The following ZFYVE16 variants were observed in gnomAD, a reference collection of about 807,000 sequenced individuals.
The protein encoded by ZFYVE16 is zinc finger FYVE-type containing 16.
In ZFYVE16, 89 loss-of-function variants were observed where a neutral mutation model predicts 138.1. That is an observed-to-expected ratio of 0.64 (90% CI 0.54 to 0.77). The LOEUF is 0.77. ZFYVE16 is among the 30% of genes least tolerant of loss of function. The pLI is 0.00. For synonymous variants in ZFYVE16, 596 were observed against 618.3 expected, an observed-to-expected ratio of 0.96 and a Z score of 0.53; for missense variants, 1,793 against 1,786.7, an observed-to-expected ratio of 1.00 and a Z score of -0.06.
intron 15 of ZFYVE16, among the ~76,000 whole-genome samples, chr5:80,461,448 C>T (rs1388347759): frequency 6.6e-6 from 1 of 152,194 alleles, no homozygotes; most frequent in Non-Finnish European, 1.5e-5. Flanking sequence ...TGAATATTTT[C>T]AGTTCTTTTT....
In ZFYVE16 at chr5:80,437,363, T is replaced by G; in HGVS notation, c.678T>G (p.Asn226Lys). ...SDSYNYSGTE[N>K]LKDKKIFNQL... ...CCTATAATTACAGTGGAACAGAAAA[T>G]TTAAAAGATAAAAAGATCTTTAATC... Residue 226 changes from asparagine (N) to lysine (K), a missense_variant, in exon 4 of 19, where the codon AAT becomes AAG. Physicochemically the swap from Asn to Lys is moderately conservative, Grantham distance 94. Transcript: ENST00000505560. 6.2e-7 allele frequency: 1 copy of G among 1,603,598 alleles called. No homozygotes were observed. The highest frequency in any genetic ancestry group is 1.8e-5 in the Admixed American group (1 of 56,920).
intron 2 of ZFYVE16, among the ~76,000 whole-genome samples, chr5:80,433,019 G>A (rs7710130): frequency 0.79 from 120,764 of 152,096 alleles, 50,368 homozygotes; most frequent in East Asian, 0.92. Context: ...CATTGTGGAC[G>A]TCAGTGTGGC....
At chr5:80,434,595 G>A (rs1234634048) in intron 3 of ZFYVE16, among the ~76,000 whole-genome samples, 1 of 151,972 alleles carries the variant, frequency 6.6e-6, no homozygotes, top group Non-Finnish European at 1.5e-5. Context: ...TCCCACTTCA[G>A]CCTCCAAGTG....
At chr5:80,464,079 A>G (rs1198717195) in intron 15 of ZFYVE16, among the ~76,000 whole-genome samples, 1 of 152,016 alleles carries the variant, frequency 6.6e-6, no homozygotes, top group Non-Finnish European at 1.5e-5. Context: ...GAGCCCTCCA[A>G]ACTGTTCCAC....
rs187348372 is a variant in ZFYVE16 at position 80,437,408 on chromosome 5, T to C, written c.723T>C (p.Asp241=). 68 of 1,605,200 alleles carry C rather than the reference T, an allele frequency of 4.2e-5. No individual in the cohort carries two copies. Among genetic ancestry groups the C allele is most frequent in the Admixed American group, 2.6e-4 (15 of 57,362 alleles). ...KIFNQLESIV[D]FNMSSALTRQ... is the part of the protein sequence containing the mutation. Reference sequence around the variant, plus strand: ...TTAATCAGTTAGAATCAATTGTTGATTTTAACATGTCATCTGCTTTGACTC... The same window carrying C: ...TTAATCAGTTAGAATCAATTGTTGACTTTAACATGTCATCTGCTTTGACTC... The change falls in exon 4 of 19, where the codon GAT becomes GAC. Residue 241 remains aspartate, a synonymous_variant. Transcript: ENST00000505560.
At chr5:80,456,201 T>C (rs1448315781) in intron 12 of ZFYVE16, 1 of 330,632 alleles carries the variant, frequency 3.0e-6, no homozygotes, top group Non-Finnish European at 5.5e-6. Context: ...CTTCCACCTA[T>C]ACTTTTTGTA....
chr5:80,455,730 C>T lies in ZFYVE16; in HGVS notation c.3646C>T (p.Pro1216Ser), dbSNP rs1183355540. ...APLTSIRGRK[P>S]LFGEIGHTIM... ...TCTAACAAGCATCAGAGGCCGAAAA[C>T]CTCTTTTTGGAGAAATAGGACACAC... is the stretch of plus-strand genomic sequence containing the variant. The change falls in exon 12 of 19, where the codon CCT becomes TCT. Residue 1216 changes from proline (P) to serine (S), a missense_variant. By Grantham distance (74) the Pro-to-Ser change is moderately conservative. This residue lies in a region of ZFYVE16 where 498 missense variants were observed against 582.4 expected (regional missense o/e 0.86). Transcript: ENST00000505560. 1.3e-6 allele frequency: 2 copies of T among 1,594,052 alleles called. No homozygotes were observed. The highest frequency in any genetic ancestry group is 1.7e-6 in the Non-Finnish European group (2 of 1,174,730).
chr5:80,441,834 C>T, intron 5 of ZFYVE16: 1 of 985,336 alleles, frequency 1.0e-6, no homozygotes, highest in Non-Finnish European at 1.2e-6. Context: ...GCAGTGGCAG[C>T]ATTGATAGCA....
chr5:80,426,091 A>C (rs1374859054), intron 1 of ZFYVE16, among the ~76,000 whole-genome samples: 1 of 152,066 alleles, frequency 6.6e-6, no homozygotes, highest in Non-Finnish European at 1.5e-5. Flanking sequence ...TTATTGAAAT[A>C]TAACAGAGGC....
chr5:80,458,441 C>T (rs1281857927), intron 14 of ZFYVE16, among the ~76,000 whole-genome samples: 2 of 152,140 alleles, frequency 1.3e-5, no homozygotes, highest in East Asian at 1.9e-4. Context: ...CACATATCTA[C>T]CTCTTTCTTC....
intron 2 of ZFYVE16, among the ~76,000 whole-genome samples, chr5:80,430,556 A>G (rs11949535): frequency 0.78 from 117,280 of 150,992 alleles, 48,691 homozygotes; most frequent in East Asian, 0.92. Flanking sequence ...AACCCATTCA[A>G]AAGCTAGCAG....
chr5:80,446,528 G>T (rs1751372840), intron 7 of ZFYVE16, among the ~76,000 whole-genome samples: 2 of 151,784 alleles, frequency 1.3e-5, no homozygotes, highest in Non-Finnish European at 2.9e-5. Flanking sequence ...CTCACATCTG[G>T]TTCTACATTC....
At position 80,435,617 on chromosome 5, in the gene ZFYVE16, G is replaced by C. The variant is rs1228262559; in HGVS notation, c.71-1139G>C. 4.7e-5 allele frequency: 10 copies of C among 212,630 alleles called. No individual in the cohort carries two copies. In the South Asian group the frequency reaches 4.7e-4, roughly 10 times the overall value. The allele number at this position is 212,630 out of a possible 1,614,324, so 13.2% of individuals were successfully genotyped here. A position where few individuals can be genotyped will look rare whatever the true frequency, so the allele number is the denominator to read the frequency against. ...AGGGTCTTGCTCTTTCACCCTAGCC[G>C]GAGTGCAATGGTGCAGTCATAGCTC... On this transcript the variant is annotated intron_variant, in intron 3 of 18. Transcript: ENST00000505560.
Position 80,481,790 on chromosome 5 carries a change from G to A in ZFYVE16, c.*4413G>A, listed in dbSNP as rs1384333497. ...CAACTCTAAGGTTACCCAAATGTCA[G>A]AATTATCAGAAAAAGACTTAAAACT... On this transcript the variant is annotated 3_prime_UTR_variant, in exon 19 of 19. Coordinates refer to ENST00000505560, the MANE Select transcript of ZFYVE16 (RefSeq NM_001284236.3). Among the ~76,000 whole-genome samples, 1 of 152,094 alleles carries A rather than the reference G, an allele frequency of 6.6e-6. No individual in the cohort carries two copies. The highest frequency in any genetic ancestry group is 2.4e-5 in the African/African-American group (1 of 41,420).
intron 1 of ZFYVE16, among the ~76,000 whole-genome samples, chr5:80,414,324 C>T (rs1379045709): frequency 1.3e-5 from 2 of 152,174 alleles, no homozygotes; most frequent in East Asian, 3.8e-4. Context: ...TGTTGCACAA[C>T]TCTCTTCCTG....
At chr5:80,407,728 G>A (rs1027070726), upstream of ZFYVE16, among the ~76,000 whole-genome samples, 1 of 152,226 alleles carries the variant, frequency 6.6e-6, no homozygotes, top group Non-Finnish European at 1.5e-5. Context: ...GGCTGGAGCC[G>A]GGGAAGCTGC....
intron 15 of ZFYVE16, among the ~76,000 whole-genome samples, chr5:80,466,993 G>T (rs1753815402): frequency 6.6e-6 from 1 of 152,108 alleles, no homozygotes; most frequent in Non-Finnish European, 1.5e-5. Context: ...GCAGTAAGGG[G>T]TTGGAGCTCC....
At chr5:80,452,573 T>TA (rs1752101696) in intron 11 of ZFYVE16, 1 of 152,186 alleles carries the variant, frequency 6.6e-6, no homozygotes, top group South Asian at 2.1e-4. Flanking sequence ...GGGAGTTTGT[T>TA]ATGTTGCCTG....
intron 15 of ZFYVE16, among the ~76,000 whole-genome samples, chr5:80,470,400 C>G (rs249029): frequency 0.78 from 118,096 of 152,062 alleles, 49,032 homozygotes; most frequent in East Asian, 0.92. Flanking sequence ...CGCACCCAGA[C>G]TCTTTGAATA....
Sources: gnomAD v4.1 joint callset for allele counts (sites outside exome capture counted in the v4.1 genomes callset) on GRCh38, gnomAD v4.1.1 for gene constraint, gnomAD v4.1.1 regional missense constraint, MANE v1.5 for transcripts, NCBI Gene and HGNC (gene_info 2026-07-23, HGNC 2026-07-21) for gene names.